Variants in MPHOSPH6 observed in about 807,000 individuals in gnomAD.
MPHOSPH6 encodes the protein M-phase phosphoprotein 6.
A neutral mutation model predicts 21.8 loss-of-function variants in MPHOSPH6; 25 were observed. The ratio of observed to expected loss-of-function variants is 1.15; its 90% CI spans 0.83 to 1.60. The LOEUF (loss-of-function observed/expected upper bound fraction) is 1.60, where lower values mean the gene tolerates loss of function less well. Ranked by LOEUF, MPHOSPH6 falls within the 40% of genes most tolerant of loss-of-function variation. The pLI, the probability that MPHOSPH6 is intolerant of heterozygous loss-of-function variation, is 0.00. For synonymous variants in MPHOSPH6, 84 were observed against 56.5 expected, an observed-to-expected ratio of 1.49 and a Z score of -2.18; for missense variants, 269 against 181.8, an observed-to-expected ratio of 1.48 and a Z score of -2.76.
At position 82,152,457 on chromosome 16, in the gene MPHOSPH6, G is replaced by A. The variant is rs80129084; in HGVS notation, c.165-943C>T. Among the ~76,000 whole-genome samples, 174 of 152,232 alleles carry A rather than the reference G, an allele frequency of 1.1e-3. 1 individual carries two copies. In the East Asian group the frequency reaches 0.032, roughly 28 times the overall value. ...GGAATTTACTGTAAGAACACTGTAG[G>A]CTCTTCATTTCCAAGGGGGACTGGT... On this transcript the variant is annotated intron_variant, in intron 2 of 4. Transcript: ENST00000258169.
chr16:82,159,891 T>C (rs11647563), intron 2 of MPHOSPH6, among the ~76,000 whole-genome samples: 18,016 of 152,232 alleles, frequency 0.12, 1,317 homozygotes, highest in East Asian at 0.29. Context: ...GCTTTTTCTA[T>C]GAACTTGGGA....
At chr16:82,153,972 C>T (rs1272634218) in intron 2 of MPHOSPH6, among the ~76,000 whole-genome samples, 1 of 152,140 alleles carries the variant, frequency 6.6e-6, no homozygotes, top group Non-Finnish European at 1.5e-5. Flanking sequence ...TTAGGGCCCA[C>T]CCAGATAATC....
chr16:82,152,526 C>G (rs1422177036), intron 2 of MPHOSPH6, among the ~76,000 whole-genome samples: 3 of 152,136 alleles, frequency 2.0e-5, no homozygotes, highest in African/African-American at 7.2e-5. Context: ...CACAAAGAGC[C>G]AGCTGTACTG....
At chr16:82,161,759 G>C (rs903184713) in intron 2 of MPHOSPH6, among the ~76,000 whole-genome samples, 1 of 152,180 alleles carries the variant, frequency 6.6e-6, no homozygotes, top group African/African-American at 2.4e-5. Context: ...AGTCAGGAAT[G>C]CCCTTCAGTT....
intron 2 of MPHOSPH6, among the ~76,000 whole-genome samples, chr16:82,152,905 T>C (rs1250282477): frequency 6.6e-6 from 1 of 152,230 alleles, no homozygotes; most frequent in Non-Finnish European, 1.5e-5. Flanking sequence ...GATTCCCTTA[T>C]GCAACAAACA....
In MPHOSPH6 at chr16:82,152,631, G is replaced by A. The variant is rs1449359104; in HGVS notation, c.165-1117C>T. 3.3e-5 allele frequency among the ~76,000 whole-genome samples: 5 copies of A among 152,298 alleles called. No individual in the cohort carries two copies. The South Asian group carries it at 8.3e-4, about 25-fold the overall frequency. Reference sequence around the variant, plus strand: ...GTGGTTGCACCAGAACCAAAATCATGCTAGAGAATGACCCTAGGAAAACCA... The same window carrying A: ...GTGGTTGCACCAGAACCAAAATCATACTAGAGAATGACCCTAGGAAAACCA... On this transcript the variant is annotated intron_variant, in intron 2 of 4. Coordinates refer to ENST00000258169, the MANE Select transcript of MPHOSPH6 (RefSeq NM_005792.2).
chr16:82,154,170 A>T (rs965550858), intron 2 of MPHOSPH6, among the ~76,000 whole-genome samples: 1 of 152,212 alleles, frequency 6.6e-6, no homozygotes, highest in Non-Finnish European at 1.5e-5. Flanking sequence ...GAAATAACAG[A>T]GCTTGCACAG....
At chr16:82,164,222 G>C (rs772868075) in intron 1 of MPHOSPH6, 28 bp from the exon 2 acceptor site, 22 of 1,486,458 alleles carry the variant, frequency 1.5e-5, no homozygotes, top group Non-Finnish European at 2.0e-5. Context: ...ATCAATGTCA[G>C]AAACTTTTCC....
At position 82,148,865 on chromosome 16, in the gene MPHOSPH6, T is replaced by C; in HGVS notation, c.351-2A>G. ...ATTGTCCCCACCAAGGTCTCATATC[T>C]GTCAAGAGGACAGGCAGCACACGTT... is the stretch of plus-strand genomic sequence containing the variant. On this transcript the variant is annotated splice_acceptor_variant, in intron 4 of 4. Transcript: ENST00000258169. LOFTEE classifies it high-confidence loss of function. 6.2e-7 allele frequency: 1 copy of C among 1,614,080 alleles called. No homozygotes were observed. The highest frequency in any genetic ancestry group is 8.5e-7 in the Non-Finnish European group (1 of 1,179,976).
At chr16:82,155,049 G>A (rs1311471082) in intron 2 of MPHOSPH6, among the ~76,000 whole-genome samples, 1 of 152,176 alleles carries the variant, frequency 6.6e-6, no homozygotes, top group Non-Finnish European at 1.5e-5. Context: ...ATACAAGGCT[G>A]TTCTGATATT....
At chr16:82,170,029 C>G (rs541979469) in intron 1 of MPHOSPH6, 96 bp downstream of exon 1, 3 of 1,376,530 alleles carry the variant, frequency 2.2e-6, no homozygotes, top group Non-Finnish European at 3.0e-6. Flanking sequence ...TGAGGCCTCT[C>G]TGGTGTCCCT....
chr16:82,151,463 A>C lies in MPHOSPH6; in HGVS notation c.216T>G (p.Tyr72Ter). Reference protein sequence around the residue: ...QSFLLCEDLLYGRMSFRGFNP... With the variant: ...QSFLLCEDLL ...TAAATCCTCTGAATGACATTCTTCC[A>C]TAGAGAAGATCTTCACATAGTAAGA... is the stretch of plus-strand genomic sequence containing the variant. Residue 72 changes from tyrosine (Y) to a stop codon, truncating the protein, a stop_gained, in exon 3 of 5, where the codon TAT becomes TAG. Coordinates refer to ENST00000258169, the MANE Select transcript of MPHOSPH6 (RefSeq NM_005792.2). LOFTEE classifies it high-confidence loss of function. 1 of 1,607,484 alleles carries C rather than the reference A, an allele frequency of 6.2e-7. No individual in the cohort carries two copies. Among genetic ancestry groups the C allele is most frequent in the Non-Finnish European group, 8.5e-7 (1 of 1,177,418 alleles).
At chr16:82,155,344 C>G (rs1452173437) in intron 2 of MPHOSPH6, among the ~76,000 whole-genome samples, 1 of 152,142 alleles carries the variant, frequency 6.6e-6, no homozygotes, top group East Asian at 1.9e-4. Flanking sequence ...AATAAATCAA[C>G]AAGAGGAGAT....
chr16:82,154,179 AGAG>A (rs1464849122), intron 2 of MPHOSPH6, among the ~76,000 whole-genome samples: 1 of 152,228 alleles, frequency 6.6e-6, no homozygotes, highest in Non-Finnish European at 1.5e-5. Flanking sequence ...GAGCTTGCAC[AGAG>A]CAAGGAAATG....
chr16:82,168,993 T>C (rs1194010285), intron 1 of MPHOSPH6, among the ~76,000 whole-genome samples: 2 of 152,208 alleles, frequency 1.3e-5, no homozygotes, highest in East Asian at 3.8e-4. Flanking sequence ...AAATTACTTA[T>C]TTCTGTTTCA....
chr16:82,165,378 C>G (rs999759513), intron 1 of MPHOSPH6, among the ~76,000 whole-genome samples: 1 of 151,996 alleles, frequency 6.6e-6, no homozygotes, highest in Non-Finnish European at 1.5e-5. Flanking sequence ...CCCGCCTCGG[C>G]CTCCCAAAGT....
At position 82,149,414 on chromosome 16, in the gene MPHOSPH6, C is replaced by T. The variant is rs761562371; in HGVS notation, c.256-11G>A. 2 of 1,609,274 alleles carry T rather than the reference C, an allele frequency of 1.2e-6. No homozygotes were observed. The highest frequency in any genetic ancestry group is 1.7e-6 in the Non-Finnish European group (2 of 1,178,720). ...CTGAAGCATCAATTTCTGAAAAATA[C>T]ACCAGTGCTGACCTTCAGGCTAGAA... On this transcript the variant is annotated splice_polypyrimidine_tract_variant and intron_variant, in intron 3 of 4. Coordinates refer to ENST00000258169, the MANE Select transcript of MPHOSPH6 (RefSeq NM_005792.2).
intron 1 of MPHOSPH6, among the ~76,000 whole-genome samples, chr16:82,168,172 G>C (rs1906848147): frequency 6.6e-6 from 1 of 152,092 alleles, no homozygotes; most frequent in African/African-American, 2.4e-5. Flanking sequence ...CGGATATTTA[G>C]TTTGAGCCTG....
rs774867852 is a variant in MPHOSPH6 at position 82,170,142 on chromosome 16, T to C, written c.34A>G (p.Asn12Asp). ...AAERKTRLSK[N>D]LLRMKFMQRG... Reference sequence around the variant, plus strand: ...CCCCGCACCTTCATGCGCAGTAGATTCTTGGACAACCTTGTCTTTCGCTCG... The same window carrying C: ...CCCCGCACCTTCATGCGCAGTAGATCCTTGGACAACCTTGTCTTTCGCTCG... Residue 12 changes from asparagine to aspartate, a missense_variant, in exon 1 of 5, where the codon AAT becomes GAT. By Grantham distance (23) the Asn-to-Asp change is conservative. Coordinates refer to ENST00000258169, the MANE Select transcript of MPHOSPH6 (RefSeq NM_005792.2). The C allele has an allele frequency of 1.9e-6, 3 of 1,594,492 alleles. No homozygotes were observed. The highest frequency in any genetic ancestry group is 2.6e-6 in the Non-Finnish European group (3 of 1,170,650).
Sources: gnomAD v4.1 joint callset for allele counts (sites outside exome capture counted in the v4.1 genomes callset) on GRCh38, gnomAD v4.1.1 for gene constraint, MANE v1.5 for transcripts, NCBI Gene and HGNC (gene_info 2026-07-23, HGNC 2026-07-21) for gene names.